C7: variants seen among roughly 807,000 people sequenced by gnomAD.
C7 encodes complement component C7.
Under a neutral mutation model 104.8 loss-of-function variants are expected in C7, and 83 were observed. The observed-to-expected ratio is 0.79, with a 90% confidence interval of 0.66 to 0.95. C7 has a LOEUF of 0.95. C7 is among the 40% of genes least tolerant of loss of function. C7 has a pLI of 0.00. For missense variants in C7, 1,070 were observed against 1,011.2 expected (o/e 1.06, Z -0.79); for synonymous variants, 415 against 360.6 (o/e 1.15, Z -1.71).
chr5:40,979,646 G>C, intron 16 of C7, 79 bp from the exon 17 acceptor site: 3 of 1,211,140 alleles, frequency 2.5e-6, no homozygotes, highest in Non-Finnish European at 3.5e-6. Flanking sequence ...ACTAAGCTCA[G>C]AGCATCACTT....
chr5:40,919,844 T>C (rs985157309), intron 1 of C7, among the ~76,000 whole-genome samples: 1 of 151,262 alleles, frequency 6.6e-6, no homozygotes, highest in Non-Finnish European at 1.5e-5. Flanking sequence ...CAAAAACAGT[T>C]CAAAGAGGAA....
intron 1 of C7, among the ~76,000 whole-genome samples, chr5:40,920,606 A>T (rs945782646): frequency 6.7e-6 from 1 of 149,030 alleles, no homozygotes; most frequent in Admixed American, 6.7e-5. Context: ...TTTATTTTTT[A>T]TTTTTCCTCA....
intron 14 of C7, among the ~76,000 whole-genome samples, chr5:40,968,571 TATATATATA>T (rs1561257278): frequency 0.017 from 1,057 of 62,752 alleles, 10 homozygotes; most frequent in East Asian, 0.057. Context: ...ATATATTTTA[TATATATATA>T]TATATATATA....
intron 1 of C7, among the ~76,000 whole-genome samples, chr5:40,918,138 A>C (rs1011714618): frequency 6.6e-6 from 1 of 152,106 alleles, no homozygotes; most frequent in African/African-American, 2.4e-5. Flanking sequence ...ACAAGACAGA[A>C]AGAAAGAAAA....
intron 9 of C7, among the ~76,000 whole-genome samples, chr5:40,955,153 T>C (rs1374139046): frequency 6.6e-6 from 1 of 152,196 alleles, no homozygotes; most frequent in East Asian, 1.9e-4. Flanking sequence ...GAACATTTAA[T>C]GACTTTTGAC....
At chr5:40,916,640 C>G (rs1156886045) in intron 1 of C7, among the ~76,000 whole-genome samples, 1 of 152,032 alleles carries the variant, frequency 6.6e-6, no homozygotes, top group Non-Finnish European at 1.5e-5. Flanking sequence ...ATCACCCAAC[C>G]CTTACTTGTC....
At chr5:40,913,657 C>A (rs1739257698) in intron 1 of C7, among the ~76,000 whole-genome samples, 1 of 151,508 alleles carries the variant, frequency 6.6e-6, no homozygotes, top group African/African-American at 2.4e-5. Context: ...CCACCATGTG[C>A]AAATATATAT....
At chr5:40,979,932 A>G in intron 17 of C7, 23 bp downstream of exon 17, 3 of 1,542,678 alleles carry the variant, frequency 1.9e-6, no homozygotes, top group Non-Finnish European at 2.6e-6. Flanking sequence ...TCATATTTGT[A>G]AGTATAAGAA....
At chr5:40,927,802 T>A (rs1332054804) in intron 1 of C7, among the ~76,000 whole-genome samples, 1 of 152,130 alleles carries the variant, frequency 6.6e-6, no homozygotes, top group Non-Finnish European at 1.5e-5. Context: ...CAAGCATTGG[T>A]ATGGATGTGG....
rs1278356145 is a variant in C7, at chr5:40,984,326, C to T, written c.*2753C>T. ...GGATGTGGAGTGCCAAGCAGGAAAT[C>T]TGACAAGTGACCCCCGGAACTTTGG... is the stretch of plus-strand genomic sequence containing the variant. On this transcript the variant is annotated 3_prime_UTR_variant, in exon 18 of 18. Coordinates refer to ENST00000313164, the MANE Select transcript of C7 (RefSeq NM_000587.4). 6.6e-6 allele frequency among the ~76,000 whole-genome samples: 1 copy of T among 152,158 alleles called. No individual in the cohort carries two copies. Among genetic ancestry groups the T allele is most frequent in the Non-Finnish European group, 1.5e-5 (1 of 68,032 alleles).
At chr5:40,964,035 T>TTTTTA (rs1740489495) in intron 13 of C7, among the ~76,000 whole-genome samples, 2 of 129,134 alleles carry the variant, frequency 1.5e-5, no homozygotes, top group Admixed American at 1.6e-4. Context: ...TTTTTTTTTT[T>TTTTTA]TTTTTTTTTT....
intron 1 of C7, among the ~76,000 whole-genome samples, chr5:40,910,633 G>C (rs1306517896): frequency 6.6e-6 from 1 of 152,034 alleles, no homozygotes; most frequent in Admixed American, 6.6e-5. Context: ...GAGGCAGATA[G>C]AGGTCATTAT....
intron 1 of C7, among the ~76,000 whole-genome samples, chr5:40,922,551 T>G (rs1474735013): frequency 6.7e-6 from 1 of 148,318 alleles, no homozygotes; most frequent in African/African-American, 2.5e-5. Flanking sequence ...AATACAGAAA[T>G]TTTGCTGGGT....
intron 3 of C7, among the ~76,000 whole-genome samples, chr5:40,931,902 G>T (rs113312618): frequency 6.6e-6 from 1 of 152,180 alleles, no homozygotes. Context: ...GGGACTACAG[G>T]CACGTGCCAC....
intron 3 of C7, among the ~76,000 whole-genome samples, chr5:40,932,568 T>A (rs1739719460): frequency 6.6e-6 from 1 of 152,188 alleles, no homozygotes. Context: ...ATCAGGTATT[T>A]ATTTAGTACC....
intron 1 of C7, among the ~76,000 whole-genome samples, chr5:40,912,486 C>G (rs1277697065): frequency 6.6e-6 from 1 of 152,086 alleles, no homozygotes; most frequent in Non-Finnish European, 1.5e-5. Context: ...TCAAGTGATC[C>G]TCCCACCTTA....
intron 15 of C7, among the ~76,000 whole-genome samples, chr5:40,974,041 CT>C (rs562456453): frequency 2.2e-4 from 33 of 151,570 alleles, no homozygotes; most frequent in African/African-American, 3.9e-4. Flanking sequence ...AGTATTTAGT[CT>C]TTTTTTTTAT....
rs369091418 is a variant in C7, at chr5:40,934,361, G to A, written c.175G>A (p.Gly59Arg). 78 of 1,613,548 alleles carry A rather than the reference G, an allele frequency of 4.8e-5. No homozygotes were observed. In the Middle Eastern group the frequency reaches 9.9e-4, roughly 20 times the overall value. The change falls in exon 4 of 18, where the codon GGA becomes AGA. Residue 59 changes from glycine (G) to arginine (R), a missense_variant. Gly to Arg is a moderately radical substitution (Grantham distance 125). Transcript: ENST00000313164. The stretch of plus-strand genomic sequence containing the variant: ...GTCAGTTGCTGTGTATGGGCAGTAT[G>A]GAGGCCAGCCTTGTGTTGGAAATGC... The part of the protein sequence containing the change: ...RRSVAVYGQY[G>R]GQPCVGNAFE...
chr5:40,922,156 C>T (rs890223987), intron 1 of C7, among the ~76,000 whole-genome samples: 45 of 151,406 alleles, frequency 3.0e-4, no homozygotes, highest in African/African-American at 1.0e-3. Context: ...GTGGGTAGAT[C>T]ACAAGGTCAG....
Sources: gnomAD v4.1 joint callset for allele counts (sites outside exome capture counted in the v4.1 genomes callset) on GRCh38, gnomAD v4.1.1 for gene constraint, MANE v1.5 for transcripts, NCBI Gene and HGNC (gene_info 2026-07-23, HGNC 2026-07-21) for gene names.